PDZRN3: variants seen among roughly 807,000 people sequenced by gnomAD.
The protein encoded by PDZRN3 is E3 ubiquitin-protein ligase PDZRN3.
PDZRN3 carries 38 observed loss-of-function variants against 85.7 expected under a neutral mutation model. The observed-to-expected ratio is 0.44, with a 90% CI of 0.34 to 0.58. The LOEUF (loss-of-function observed/expected upper bound fraction) is 0.58. PDZRN3 is among the 20% of genes least tolerant of loss of function. The probability of loss-of-function intolerance (pLI) is 0.01; values close to 1 mark genes in which losing one functional copy is unlikely to be tolerated. For missense variants in PDZRN3, 1,629 were observed against 1,506.4 expected, an observed-to-expected ratio of 1.08 and a Z score of -1.35; for synonymous variants, 759 against 638.0, an observed-to-expected ratio of 1.19 and a Z score of -2.86.
intron 3 of PDZRN3, among the ~76,000 whole-genome samples, chr3:73,568,125 A>T (rs555109714): frequency 6.6e-6 from 1 of 152,266 alleles, no homozygotes; most frequent in South Asian, 2.1e-4. Flanking sequence ...CCAAGGGAGG[A>T]GCCATGTGAA....
chr3:73,602,520 A>G, intron 2 of PDZRN3, 59 bp from the exon 3 acceptor site: 1 of 885,294 alleles, frequency 1.1e-6, no homozygotes, highest in Non-Finnish European at 1.9e-6. Flanking sequence ...GCATGAAAGT[A>G]AAGCTTGCAC....
rs138121421 is a variant in PDZRN3 at position 73,570,386 on chromosome 3, C to T, written c.918+31968G>A. On this transcript the variant is annotated intron_variant, in intron 3 of 9. Coordinates refer to ENST00000263666, the MANE Select transcript of PDZRN3 (RefSeq NM_015009.3). ...AACAATTACCGGCATATTTCACTTGCTTTTGTACTGGCCAAAAAGTAAAGG... is the reference window on the plus strand; with the variant it reads ...AACAATTACCGGCATATTTCACTTGTTTTTGTACTGGCCAAAAAGTAAAGG... 1.7e-3 allele frequency among the ~76,000 whole-genome samples: 256 copies of T among 152,290 alleles called. 1 individual carries two copies. Among genetic ancestry groups the T allele is most frequent in the African/African-American group, 5.9e-3 (247 of 41,562 alleles).
chr3:73,404,108 ACTT>A, intron 4 of PDZRN3, 37 bp downstream of exon 4: 3 of 1,569,332 alleles, frequency 1.9e-6, no homozygotes, highest in Non-Finnish European at 2.6e-6. Flanking sequence ...ACTTGGAAAT[ACTT>A]CTTAATGCAT....
intron 3 of PDZRN3, among the ~76,000 whole-genome samples, chr3:73,451,013 G>A (rs998832483): frequency 9.2e-5 from 14 of 151,800 alleles, no homozygotes; most frequent in African/African-American, 2.7e-4. Flanking sequence ...GAAACCTACC[G>A]TCACCGCCAA....
At chr3:73,571,392 C>T (rs1702044535) in intron 3 of PDZRN3, among the ~76,000 whole-genome samples, 1 of 152,164 alleles carries the variant, frequency 6.6e-6, no homozygotes, top group South Asian at 2.1e-4. Context: ...ACCATTACTG[C>T]TTTTTATGTC....
chr3:73,471,204 T>C (rs1467040139), intron 3 of PDZRN3, among the ~76,000 whole-genome samples: 1 of 152,060 alleles, frequency 6.6e-6, no homozygotes, highest in Non-Finnish European at 1.5e-5. Context: ...TAGAACACCA[T>C]GTGAAGACAG....
At chr3:73,454,126 CAAACATAG>C (rs1702930446) in intron 3 of PDZRN3, among the ~76,000 whole-genome samples, 1 of 152,152 alleles carries the variant, frequency 6.6e-6, no homozygotes, top group African/African-American at 2.4e-5. Flanking sequence ...AGCTTAAAAA[CAAACATAG>C]ATGATGGTAT....
intron 3 of PDZRN3, among the ~76,000 whole-genome samples, chr3:73,459,476 AT>A (rs554795487): frequency 3.9e-4 from 60 of 151,936 alleles, no homozygotes; most frequent in African/African-American, 1.2e-3. Flanking sequence ...CCCAATAGTT[AT>A]TTTTTTTCTG....
At chr3:73,590,320 A>G (rs943172573) in intron 3 of PDZRN3, among the ~76,000 whole-genome samples, 4 of 151,984 alleles carry the variant, frequency 2.6e-5, no homozygotes, top group Non-Finnish European at 5.9e-5. Context: ...ACGCAGATTA[A>G]AAGACTGTAG....
chr3:73,435,188 C>G (rs146181234), intron 3 of PDZRN3, among the ~76,000 whole-genome samples: 142 of 152,310 alleles, frequency 9.3e-4, no homozygotes, highest in African/African-American at 3.4e-3. Context: ...CCCACTTGGG[C>G]TGATGGCCAG....
chr3:73,520,678 A>C (rs920872152), intron 3 of PDZRN3, among the ~76,000 whole-genome samples: 1 of 152,168 alleles, frequency 6.6e-6, no homozygotes, highest in African/African-American at 2.4e-5. Flanking sequence ...GTCCTACATT[A>C]CATGCGTGTC....
intron 3 of PDZRN3, among the ~76,000 whole-genome samples, chr3:73,439,542 T>G (rs1702593223): frequency 6.6e-6 from 1 of 152,164 alleles, no homozygotes; most frequent in African/African-American, 2.4e-5. Flanking sequence ...GAGTGGCCAC[T>G]GGTTCTTGAA....
At position 73,416,875 on chromosome 3, in the gene PDZRN3, GGTTTTTTTTTTTTTTTT is replaced by G. The variant is rs1559667653; in HGVS notation, c.919-12497_919-12481del. Among the ~76,000 whole-genome samples the G allele has an allele frequency of 8.2e-3, 334 of 40,742 alleles. 4 individuals are homozygous for G. The highest frequency in any genetic ancestry group is 0.023 in the African/African-American group (323 of 13,814). The allele number at this position is 40,742 out of a possible 152,430, so 26.7% of individuals were successfully genotyped here. A position where few individuals can be genotyped will look rare whatever the true frequency, so the allele number is the denominator to read the frequency against. ...GTTTTTTTTTTGTTTGTTTTTTTTT[GGTTTTTTTTTTTTTTTT>G]TTTTTTTTTTTTTTTTTGAGACAGA... On this transcript the variant is annotated intron_variant, in intron 3 of 9. Transcript: ENST00000263666.
At chr3:73,571,061 G>A (rs928928337) in intron 3 of PDZRN3, among the ~76,000 whole-genome samples, 2 of 152,172 alleles carry the variant, frequency 1.3e-5, no homozygotes, top group African/African-American at 2.4e-5. Context: ...GCTGCTCAGT[G>A]TATGGACTAA....
rs537450493 is a variant in PDZRN3, at chr3:73,481,557, C to T, written c.919-77162G>A. On this transcript the variant is annotated intron_variant, in intron 3 of 9. Coordinates refer to ENST00000263666, the MANE Select transcript of PDZRN3 (RefSeq NM_015009.3). The stretch of plus-strand genomic sequence containing the variant: ...GTTGGTCAGGCTGGTCTCGAACTCC[C>T]GACCTCAGGTGATCTGCCCACCTCA... 3.7e-4 allele frequency among the ~76,000 whole-genome samples: 56 copies of T among 151,898 alleles called. No individual in the cohort carries two copies. The East Asian group carries it at 5.9e-3, about 16-fold the overall frequency.
Position 73,608,683 on chromosome 3 carries a change from C to T in PDZRN3, c.725G>A (p.Gly242Asp), listed in dbSNP as rs949314105. 16 of 1,600,366 alleles carry T rather than the reference C, an allele frequency of 1.0e-5. No homozygotes were observed. In the African/African-American group the frequency reaches 1.2e-4, roughly 12 times the overall value. Residue 242 changes from glycine to aspartate, a missense_variant and splice_region_variant, in exon 2 of 10, where the codon GGC becomes GAC. By Grantham distance (94) the Gly-to-Asp change is moderately conservative. Coordinates refer to ENST00000263666, the MANE Select transcript of PDZRN3 (RefSeq NM_015009.3). ...AAGAGTCAGACTTTTGGTTTCTTCG[C>T]CCTGCAGGTAACAAATGAGATCAAA... ...RCVAAPPGGKGEETKSLTLVL... is the reference protein window; with the variant it reads ...RCVAAPPGGKDEETKSLTLVL...
intron 3 of PDZRN3, among the ~76,000 whole-genome samples, chr3:73,471,080 C>A (rs1703329933): frequency 6.6e-6 from 1 of 152,082 alleles, no homozygotes; most frequent in African/African-American, 2.4e-5. Flanking sequence ...AGGGTCTTTA[C>A]AGAGGCAATT....
rs1703323343 is a variant in PDZRN3, at chr3:73,470,855, A to G, written c.919-66460T>C. 2.0e-5 allele frequency among the ~76,000 whole-genome samples: 3 copies of G among 152,218 alleles called. No homozygotes were observed. In the South Asian group the frequency reaches 6.2e-4, roughly 31 times the overall value. On this transcript the variant is annotated intron_variant, in intron 3 of 9. Transcript: ENST00000263666. ...TTAGTATGTGCTATTCTTTTCCCCT[A>G]AAACATCCAGAAAATTAACCTTCAA...
chr3:73,425,846 T>C lies in PDZRN3; in HGVS notation c.919-21451A>G, dbSNP rs192086150. On this transcript the variant is annotated intron_variant, in intron 3 of 9. Transcript: ENST00000263666. ...TAACCTGAAAGCCCCCCAGATGTGG[T>C]GTCTATAAATCATGACCTATCATTA... is the stretch of plus-strand genomic sequence containing the variant. 4.4e-3 allele frequency among the ~76,000 whole-genome samples: 665 copies of C among 152,302 alleles called. 24 individuals are homozygous for C. Among genetic ancestry groups the C allele is most frequent in the Admixed American group, 0.041 (625 of 15,284 alleles).
Sources: allele counts gnomAD v4.1 joint callset (sites outside exome capture counted in the v4.1 genomes callset), GRCh38; gene constraint gnomAD v4.1.1; transcripts MANE v1.5; gene names NCBI Gene and HGNC (gene_info 2026-07-23, HGNC 2026-07-21).